TRMT2B: variants seen among roughly 807,000 people sequenced by gnomAD.
TRMT2B encodes the protein tRNA methyltransferase 2B.
Under a neutral mutation model 39.7 loss-of-function variants are expected in TRMT2B, and 34 were observed. That is an observed-to-expected ratio of 0.86 (90% CI 0.65 to 1.14). The LOEUF (loss-of-function observed/expected upper bound fraction) is 1.14, where lower values mean the gene tolerates loss of function less well. TRMT2B is among the 50% of genes most tolerant of loss of function. The probability of loss-of-function intolerance (pLI) is 0.00; values close to 1 mark genes in which losing one functional copy is unlikely to be tolerated. For synonymous variants in TRMT2B, 132 were observed against 137.3 expected, an observed-to-expected ratio of 0.96 and a Z score of 0.27; for missense variants, 318 against 377.2, an observed-to-expected ratio of 0.84 and a Z score of 1.30.
At chrX:101,006,369 A>G (rs2086102076), downstream of TRMT2B, among the ~76,000 whole-genome samples, 1 of 111,939 alleles carries the variant, frequency 8.9e-6, no homozygotes, top group African/African-American at 3.2e-5. Context: ...ACATTAGTGA[A>G]GATTAGTGAG....
At chrX:101,000,781 G>C in the TRMT2B span, among the ~76,000 whole-genome samples, 1 of 111,306 alleles carries the variant, frequency 9.0e-6, no homozygotes, top group Non-Finnish European at 1.9e-5. Flanking sequence ...CTACACAACA[G>C]TCATCTGGAG....
chrX:101,035,920 G>A (rs368017008), intron 6 of TRMT2B, among the ~76,000 whole-genome samples: 38 of 111,467 alleles, frequency 3.4e-4, no homozygotes, highest in South Asian at 2.3e-3. Flanking sequence ...ACTATATGAC[G>A]TCTGTTTTCT....
chrX:101,024,428 G>T (rs774093630), intron 7 of TRMT2B, among the ~76,000 whole-genome samples: 2 of 111,952 alleles, frequency 1.8e-5, no homozygotes, highest in Non-Finnish European at 3.8e-5. Context: ...GGGCACAGTG[G>T]CTCAAACCTG....
rs749914577 is a variant in TRMT2B at position 101,032,776 on chromosome X, C to CAAAA, written c.609+2833_609+2836dup. Among the ~76,000 whole-genome samples the CAAAA allele has an allele frequency of 3.1e-4, 9 of 28,639 alleles. No homozygotes were observed. The Admixed American group carries it at 4.4e-3, about 14-fold the overall frequency. 24.9% of individuals were successfully genotyped at this position (28,639 alleles called of 115,157 possible). Reference sequence around the variant, plus strand: ...GGGCAAAAAGACTGAAACTCCGTCTCAAAAAAAAAAAAAAAAAAGACTAGA... The same window carrying CAAAA: ...GGGCAAAAAGACTGAAACTCCGTCTCAAAAAAAAAAAAAAAAAAAAAAGACTAGA... On this transcript the variant is annotated intron_variant, in intron 7 of 13. Coordinates refer to ENST00000372936, the MANE Select transcript of TRMT2B (RefSeq NM_024917.6).
At chrX:100,991,564 C>T in the TRMT2B span, among the ~76,000 whole-genome samples, 6 of 111,040 alleles carry the variant, frequency 5.4e-5, no homozygotes, top group Non-Finnish European at 9.4e-5. Flanking sequence ...TTAGTAGAGA[C>T]GGGGTTTCAC....
chrX:100,974,228 T>G, the TRMT2B span: 1 of 1,080,141 alleles, frequency 9.3e-7, no homozygotes, highest in Non-Finnish European at 1.3e-6. Flanking sequence ...GATACTGGCG[T>G]GGGTCTCCCA....
At chrX:100,983,420 G>A in the TRMT2B span, among the ~76,000 whole-genome samples, 1 of 110,184 alleles carries the variant, frequency 9.1e-6, no homozygotes, top group Non-Finnish European at 1.9e-5. Flanking sequence ...GCAATGGTGA[G>A]ACCTCAGCTC....
chrX:101,037,821 A>C, intron 5 of TRMT2B, 96 bp downstream of exon 5: 1 of 884,099 alleles, frequency 1.1e-6, no homozygotes, highest in Non-Finnish European at 1.6e-6. Context: ...AATTTAGCAT[A>C]GGGCCTGGTC....
chrX:101,044,071 G>A (rs1375940778), intron 2 of TRMT2B, among the ~76,000 whole-genome samples: 6 of 109,617 alleles, frequency 5.5e-5, no homozygotes, highest in Non-Finnish European at 1.1e-4. Flanking sequence ...GTGAAACCCC[G>A]TCTCTACTAA....
At chrX:101,023,666 G>A (rs375428527) in intron 7 of TRMT2B, 50 bp from the exon 8 acceptor site, 1 of 1,133,719 alleles carries the variant, frequency 8.8e-7, no homozygotes, top group African/African-American at 1.8e-5. Flanking sequence ...AAGTTTCACA[G>A]CTGTTTACTC....
the TRMT2B span, chrX:100,973,578 T>C: frequency 1.0e-6 from 1 of 956,481 alleles, no homozygotes; most frequent in East Asian, 3.2e-5. Context: ...ATCCCAGGCT[T>C]TCTGTTTATC....
downstream of TRMT2B, among the ~76,000 whole-genome samples, chrX:101,007,810 G>T (rs1330748820): frequency 5.4e-5 from 6 of 111,338 alleles, no homozygotes; most frequent in Admixed American, 5.8e-4. Flanking sequence ...CAATCCTCCA[G>T]CCTCAGCCTC....
chrX:100,974,507 C>G, the TRMT2B span, among the ~76,000 whole-genome samples: 1 of 110,801 alleles, frequency 9.0e-6, no homozygotes, highest in Non-Finnish European at 1.9e-5. Context: ...GGCGTGAGTT[C>G]AAACTACGTA....
intron 7 of TRMT2B, among the ~76,000 whole-genome samples, chrX:101,034,359 C>G (rs1427701095): frequency 9.2e-6 from 1 of 108,157 alleles, no homozygotes; most frequent in Non-Finnish European, 1.9e-5. Flanking sequence ...CCAGGCTGGT[C>G]TCGAACTCCT....
intron 5 of TRMT2B, 200 bp from the exon 6 acceptor site, chrX:101,037,273 G>C: frequency 2.4e-6 from 1 of 415,889 alleles, no homozygotes; most frequent in Non-Finnish European, 4.2e-6. Flanking sequence ...TAAAGCAGGA[G>C]TCAACAAACT....
intron 8 of TRMT2B, among the ~76,000 whole-genome samples, chrX:101,022,715 T>C (rs1238406243): frequency 9.0e-6 from 1 of 111,175 alleles, no homozygotes; most frequent in Non-Finnish European, 1.9e-5. Context: ...GAAGATTGCT[T>C]GAGCCCAGCA....
At chrX:101,051,225 C>A in intron 2 of TRMT2B, 26 bp downstream of exon 2, 1 of 740,932 alleles carries the variant, frequency 1.3e-6, no homozygotes, top group Non-Finnish European at 1.6e-6. Context: ...AGGTTCAAAT[C>A]AAAGAGACTA....
At chrX:100,990,040 G>A in the TRMT2B span, among the ~76,000 whole-genome samples, 3 of 112,559 alleles carry the variant, frequency 2.7e-5, no homozygotes, top group Non-Finnish European at 5.6e-5. Context: ...CAGAACTTAT[G>A]GCAAAAAAGA....
rs1189541107 is a variant in TRMT2B at position 101,051,750 on chromosome X, A to T, written c.-506-17T>A. 1.4e-6 allele frequency: 1 copy of T among 723,365 alleles called. No individual in the cohort carries two copies. The highest frequency in any genetic ancestry group is 8.7e-5 in the Admixed American group (1 of 11,525). The allele number at this position is 723,365 out of a possible 1,213,427, so 59.6% of individuals were successfully genotyped here. A position where few individuals can be genotyped will look rare whatever the true frequency, so the allele number is the denominator to read the frequency against. On this transcript the variant is annotated splice_polypyrimidine_tract_variant and intron_variant, in intron 1 of 13. Transcript: ENST00000372936. ...GGGAGTTTTCTGTAAAGCAAGGGTT[A>T]AATCAGGTTTTCCGGGCTATTTATC...
Sources: allele counts gnomAD v4.1 joint callset (sites outside exome capture counted in the v4.1 genomes callset), GRCh38; gene constraint gnomAD v4.1.1; transcripts MANE v1.5; gene names NCBI Gene and HGNC (gene_info 2026-07-23, HGNC 2026-07-21).